Variants in TENM1 observed in about 807,000 individuals in gnomAD.
TENM1 encodes teneurin-1.
A neutral mutation model predicts 174.8 loss-of-function variants in TENM1; 35 were observed. The observed-to-expected ratio is 0.20, with a 90% confidence interval of 0.15 to 0.27. TENM1 has a LOEUF of 0.27. Ranked by LOEUF, TENM1 falls within the 10% of genes least tolerant of loss-of-function variation. The pLI is 1.00. For missense variants in TENM1, 1,633 were observed against 2,130.1 expected (o/e 0.77, Z 4.59); for synonymous variants, 781 against 798.7 (o/e 0.98, Z 0.37).
At chrX:124,630,096 T>A (rs978526387) in intron 11 of TENM1, among the ~76,000 whole-genome samples, 1 of 112,235 alleles carries the variant, frequency 8.9e-6, no homozygotes, top group Non-Finnish European at 1.9e-5. Flanking sequence ...GACAAGTCTG[T>A]CAAAAAAAGA....
At chrX:125,165,917 A>C in the TENM1 span, among the ~76,000 whole-genome samples, 1 of 111,234 alleles carries the variant, frequency 9.0e-6, no homozygotes, top group African/African-American at 3.3e-5. Context: ...TGCTGATGAC[A>C]CTTGAGTTTT....
chrX:124,775,301 G>A (rs776597752), intron 3 of TENM1, among the ~76,000 whole-genome samples: 8 of 81,735 alleles, frequency 9.8e-5, no homozygotes, highest in South Asian at 6.0e-4. Context: ...GCAAGACTCC[G>A]TCAAAAAAAA....
chrX:125,049,567 G>A, the TENM1 span, among the ~76,000 whole-genome samples: 2 of 111,791 alleles, frequency 1.8e-5, no homozygotes, highest in Non-Finnish European at 3.8e-5. Flanking sequence ...GGAATTGCTG[G>A]GCAATATAGA....
intron 15 of TENM1, among the ~76,000 whole-genome samples, chrX:124,543,791 G>A (rs2048371815): frequency 8.9e-6 from 1 of 112,147 alleles, no homozygotes; most frequent in Non-Finnish European, 1.9e-5. Flanking sequence ...CTTCACCATG[G>A]GCAGGGTGCA....
chrX:124,950,846 T>C (rs1455340289), intron 1 of TENM1, among the ~76,000 whole-genome samples: 1 of 111,763 alleles, frequency 8.9e-6, no homozygotes, highest in Non-Finnish European at 1.9e-5. Context: ...CCTTTTATAG[T>C]TCCCATGTTT....
At chrX:124,871,955 C>A (rs1427469470) in intron 3 of TENM1, among the ~76,000 whole-genome samples, 3 of 106,954 alleles carry the variant, frequency 2.8e-5, no homozygotes, top group Non-Finnish European at 3.9e-5. Flanking sequence ...TCGCTTGAAC[C>A]CAGGAGGCCG....
chrX:124,924,470 C>G (rs1251030674), intron 1 of TENM1, among the ~76,000 whole-genome samples: 1 of 111,427 alleles, frequency 9.0e-6, no homozygotes, highest in African/African-American at 3.3e-5. Flanking sequence ...CAAGTATGTA[C>G]TGTTCAAGGC....
chrX:124,518,129 G>A (rs1159409642), intron 18 of TENM1, among the ~76,000 whole-genome samples: 3 of 111,141 alleles, frequency 2.7e-5, no homozygotes, highest in African/African-American at 9.8e-5. Flanking sequence ...AGAGGATGGA[G>A]TGATGATACA....
intron 1 of TENM1, among the ~76,000 whole-genome samples, chrX:124,954,001 C>T (rs762036352): frequency 9.0e-6 from 1 of 111,640 alleles, no homozygotes; most frequent in South Asian, 3.7e-4. Flanking sequence ...AGCAGCAAGA[C>T]CAAAGAATTT....
intron 15 of TENM1, among the ~76,000 whole-genome samples, chrX:124,545,206 A>T (rs1295190095): frequency 9.1e-6 from 1 of 109,838 alleles, no homozygotes; most frequent in Non-Finnish European, 1.9e-5. Context: ...TGCAGAGCCA[A>T]ATGATAACTT....
intron 11 of TENM1, among the ~76,000 whole-genome samples, chrX:124,636,981 A>G (rs1236120466): frequency 8.9e-6 from 1 of 111,883 alleles, no homozygotes; most frequent in Non-Finnish European, 1.9e-5. Flanking sequence ...TAGTGTTACC[A>G]TTCATATAGT....
At chrX:124,551,535 C>CACACACACACACACACACACAT (rs2048573192) in intron 14 of TENM1, among the ~76,000 whole-genome samples, 1 of 109,991 alleles carries the variant, frequency 9.1e-6, no homozygotes, top group East Asian at 2.9e-4. Flanking sequence ...CACCCACACA[C>CACACACACACACACACACACAT]ACACACACAC....
chrX:124,447,800 G>A (rs545410480), intron 23 of TENM1, among the ~76,000 whole-genome samples: 1 of 111,144 alleles, frequency 9.0e-6, no homozygotes, highest in South Asian at 3.9e-4. Context: ...GTTCCATAGA[G>A]TTTGGTCTTG....
intron 4 of TENM1, among the ~76,000 whole-genome samples, chrX:124,731,065 A>C (rs1251947467): frequency 8.9e-6 from 1 of 111,883 alleles, no homozygotes; most frequent in Non-Finnish European, 1.9e-5. Flanking sequence ...TGCCAAAATA[A>C]AGGGATGAAA....
intron 11 of TENM1, among the ~76,000 whole-genome samples, chrX:124,616,923 A>T (rs1406144060): frequency 8.9e-6 from 1 of 111,748 alleles, no homozygotes; most frequent in Non-Finnish European, 1.9e-5. Flanking sequence ...GACTACAAAC[A>T]TATATTAAGA....
chrX:124,746,491 T>C (rs149047624), intron 3 of TENM1, among the ~76,000 whole-genome samples: 99 of 111,982 alleles, frequency 8.8e-4, no homozygotes, highest in African/African-American at 3.0e-3. Context: ...TGCTAAGCTA[T>C]GCATATTTAA....
intron 4 of TENM1, among the ~76,000 whole-genome samples, chrX:124,716,615 A>G (rs2053188397): frequency 8.9e-6 from 1 of 112,360 alleles, no homozygotes; most frequent in African/African-American, 3.2e-5. Context: ...TCAAACAGTG[A>G]CAAATTGGTA....
Position 124,686,980 on chromosome X carries a change from GTC to G in TENM1, c.1016-15147_1016-15146del, listed in dbSNP as rs763659800. Among the ~76,000 whole-genome samples, 446 of 111,447 alleles carry G rather than the reference GTC, an allele frequency of 4.0e-3. 2 individuals are homozygous for G. Among genetic ancestry groups the G allele is most frequent in the African/African-American group, 0.013 (406 of 30,666 alleles). On this transcript the variant is annotated intron_variant, in intron 5 of 31. Transcript: ENST00000422452. ...AAATAGGAAGAGAGGAAGTCAAATAGTCTCTGTTTGTGGACATGATCCTATAT... is the reference window on the plus strand; with the variant it reads ...AAATAGGAAGAGAGGAAGTCAAATAGTCTGTTTGTGGACATGATCCTATAT...
Position 124,651,348 on chromosome X carries a change from C to G in TENM1, c.1579+566G>C, listed in dbSNP as rs140501450. ...AACATGTTTTAAAAGGCCCTGAGCA[C>G]ACTGAAAGAGACATTGTGATGAATT... On this transcript the variant is annotated intron_variant, in intron 8 of 31. Coordinates refer to ENST00000422452, the Ensembl canonical transcript of TENM1. Among the ~76,000 whole-genome samples the G allele has an allele frequency of 6.8e-4, 76 of 111,432 alleles. 1 individual carries two copies. In the East Asian group the frequency reaches 0.021, roughly 30 times the overall value.
Sources: allele counts gnomAD v4.1 joint callset (sites outside exome capture counted in the v4.1 genomes callset), GRCh38; gene constraint gnomAD v4.1.1; transcripts MANE v1.5; gene names NCBI Gene and HGNC (gene_info 2026-07-23, HGNC 2026-07-21).